SLC25A27: variants seen among roughly 807,000 people sequenced by gnomAD.
SLC25A27 encodes the protein mitochondrial uncoupling protein 4.
SLC25A27 carries 35 observed loss-of-function variants against 49.1 expected under a neutral mutation model. That is an observed-to-expected ratio of 0.71 (90% CI 0.54 to 0.95). The LOEUF is 0.95. Ranked by LOEUF, SLC25A27 falls within the 40% of genes least tolerant of loss-of-function variation. The pLI is 0.00. For missense variants in SLC25A27, 339 were observed against 397.1 expected, an observed-to-expected ratio of 0.85 and a Z score of 1.24; for synonymous variants, 144 against 136.9, an observed-to-expected ratio of 1.05 and a Z score of -0.36.
At chr6:46,671,016 C>T (rs1763514078) in intron 7 of SLC25A27, 110 bp from the exon 8 acceptor site, 1 of 735,552 alleles carries the variant, frequency 1.4e-6, no homozygotes, top group Admixed American at 3.0e-5. Context: ...AGGCGTAAGC[C>T]ACCGCGCCCG....
At chr6:46,668,078 C>T (rs2150648313) in intron 5 of SLC25A27, among the ~76,000 whole-genome samples, 1 of 152,330 alleles carries the variant, frequency 6.6e-6, no homozygotes, top group South Asian at 2.1e-4. Context: ...GGCGCGGCGG[C>T]TCATGCCTAT....
At chr6:46,663,056 C>G (rs1451777907) in intron 4 of SLC25A27, among the ~76,000 whole-genome samples, 9 of 152,074 alleles carry the variant, frequency 5.9e-5, no homozygotes, top group African/African-American at 1.9e-4. Flanking sequence ...CCTCTTTTTC[C>G]CTAATATGGC....
At position 46,658,990 on chromosome 6, in the gene SLC25A27, T is replaced by C. The variant is rs1401309894; in HGVS notation, c.327T>C (p.Tyr109=). 15 of 1,613,842 alleles carry C rather than the reference T, an allele frequency of 9.3e-6. 1 individual carries two copies. The highest frequency in any genetic ancestry group is 1.6e-4 in the Middle Eastern group (1 of 6,062). ...VVYSGGRMVT[Y]EHLREVVFGK... ...ATTCTGGAGGTCGAATGGTCACATA[T>C]GAACATCTCCGAGAGGTTGTGTTTG... Residue 109 remains tyrosine, a synonymous_variant, in exon 3 of 9, where the codon TAT becomes TAC. Transcript: ENST00000371347.
rs748564213 is a variant in SLC25A27 at position 46,653,284 on chromosome 6, C to A, written c.92C>A (p.Thr31Asn). 1 of 1,612,526 alleles carries A rather than the reference C, an allele frequency of 6.2e-7. No individual in the cohort carries two copies. The highest frequency in any genetic ancestry group is 2.2e-5 in the East Asian group (1 of 44,830). The change falls in exon 1 of 9, where the codon ACC (threonine) becomes AAC (asparagine). Residue 31 changes from threonine (T) to asparagine (N), a missense_variant. Coordinates refer to ENST00000371347, the MANE Select transcript of SLC25A27 (RefSeq NM_004277.5). ...TTCCTACTGTCCGGCTGCGCGGCTACCGTGGCCGAGCTAGGTACCCGGCTG... is the reference window on the plus strand; with the variant it reads ...TTCCTACTGTCCGGCTGCGCGGCTAACGTGGCCGAGCTAGGTACCCGGCTG... Reference protein sequence around the residue: ...SKFLLSGCAATVAELATFPLD... With the variant: ...SKFLLSGCAANVAELATFPLD...
intron 8 of SLC25A27, 128 bp downstream of exon 8, chr6:46,671,356 C>T (rs1763532759): frequency 2.0e-6 from 1 of 497,386 alleles, no homozygotes; most frequent in Non-Finnish European, 3.5e-6. Context: ...TCCTTTCTTT[C>T]TTTTTTAAAT....
At chr6:46,662,562 T>C in intron 4 of SLC25A27, 64 bp downstream of exon 4, 1 of 1,532,246 alleles carries the variant, frequency 6.5e-7, no homozygotes, top group Admixed American at 1.8e-5. Flanking sequence ...TTTTAACAAG[T>C]ACCTAATAGA....
Position 46,668,574 on chromosome 6 carries a change from G to A in SLC25A27, c.620-135G>A. On this transcript the variant is annotated intron_variant, in intron 5 of 8. Coordinates refer to ENST00000371347, the MANE Select transcript of SLC25A27 (RefSeq NM_004277.5). ...TTTCTCTCCCTCTATCTGTAGCTGTGCTTTCCTTGAGAACAAGAAGGATTC... is the reference window on the plus strand; with the variant it reads ...TTTCTCTCCCTCTATCTGTAGCTGTACTTTCCTTGAGAACAAGAAGGATTC... The A allele has an allele frequency of 5.1e-6, 3 of 592,646 alleles. No individual in the cohort carries two copies. The South Asian group carries it at 7.1e-5, about 14-fold the overall frequency. The allele number at this position is 592,646 out of a possible 1,614,324, so 36.7% of individuals were successfully genotyped here.
chr6:46,671,691 G>A (rs912393406), intron 8 of SLC25A27, among the ~76,000 whole-genome samples: 3 of 151,922 alleles, frequency 2.0e-5, no homozygotes, highest in Admixed American at 6.5e-5. Context: ...AAAATATTAT[G>A]TCATTTTTAT....
rs952592297 is a variant in SLC25A27, at chr6:46,655,830, G to C, written c.107-13G>C. ...ATGTTGTGGGTTTTTCCCTGCATTTGTGTTTTTGTTAGCAACCTTTCCCCT... is the reference window on the plus strand; with the variant it reads ...ATGTTGTGGGTTTTTCCCTGCATTTCTGTTTTTGTTAGCAACCTTTCCCCT... On this transcript the variant is annotated splice_polypyrimidine_tract_variant and intron_variant, in intron 1 of 8. Transcript: ENST00000371347. 6.2e-7 allele frequency: 1 copy of C among 1,601,790 alleles called. No homozygotes were observed. The highest frequency in any genetic ancestry group is 2.3e-5 in the East Asian group (1 of 44,338).
intron 4 of SLC25A27, among the ~76,000 whole-genome samples, chr6:46,664,177 C>G (rs1388547836): frequency 6.6e-6 from 1 of 152,116 alleles, no homozygotes; most frequent in Non-Finnish European, 1.5e-5. Context: ...CTTTTAATGC[C>G]AGAAGTTTTC....
intron 4 of SLC25A27, among the ~76,000 whole-genome samples, chr6:46,662,808 T>C (rs1262328417): frequency 6.6e-6 from 1 of 152,200 alleles, no homozygotes; most frequent in African/African-American, 2.4e-5. Context: ...GGTGTGAATC[T>C]CAATTTTGCC....
At chr6:46,671,261 C>T in intron 8 of SLC25A27, 33 bp downstream of exon 8, 1 of 1,243,600 alleles carries the variant, frequency 8.0e-7, no homozygotes, top group Non-Finnish European at 1.1e-6. Context: ...TGTTTTTTTT[C>T]TTTGTACTTA....
chr6:46,656,587 T>C (rs968162901), intron 2 of SLC25A27, among the ~76,000 whole-genome samples: 28 of 152,118 alleles, frequency 1.8e-4, no homozygotes, highest in African/African-American at 6.5e-4. Flanking sequence ...CTTGTGAAAT[T>C]TTTGTATTTT....
chr6:46,663,014 T>G (rs778954298), intron 4 of SLC25A27, among the ~76,000 whole-genome samples: 1 of 152,220 alleles, frequency 6.6e-6, no homozygotes, highest in Non-Finnish European at 1.5e-5. Flanking sequence ...CCAACTTTCT[T>G]GTTGAATCTC....
intron 7 of SLC25A27, 101 bp from the exon 8 acceptor site, chr6:46,671,025 C>T (rs577354179): frequency 3.0e-5 from 25 of 828,284 alleles, no homozygotes; most frequent in Middle Eastern, 3.6e-4. Flanking sequence ...CCACCGCGCC[C>T]GGCCAATATT....
chr6:46,671,933 A>G (rs1413530975), intron 8 of SLC25A27, among the ~76,000 whole-genome samples: 2 of 151,696 alleles, frequency 1.3e-5, no homozygotes, highest in East Asian at 1.9e-4. Flanking sequence ...GCAATCAAAA[A>G]TTAACACAAT....
chr6:46,654,733 T>C (rs1388443959), intron 1 of SLC25A27, among the ~76,000 whole-genome samples: 1 of 152,232 alleles, frequency 6.6e-6, no homozygotes, highest in African/African-American at 2.4e-5. Context: ...GTTTCATATG[T>C]CAATAAAATA....
intron 2 of SLC25A27, chr6:46,658,699 A>G (rs1763067853): frequency 2.1e-6 from 1 of 477,290 alleles, no homozygotes; most frequent in Non-Finnish European, 3.8e-6. Context: ...CCTGAAAGAC[A>G]AGGAGATGTT....
chr6:46,655,546 T>TG (rs1762949204), intron 1 of SLC25A27, among the ~76,000 whole-genome samples: 1 of 30,712 alleles, frequency 3.3e-5, no homozygotes, highest in East Asian at 1.6e-3. Context: ...TTTTTTTTTT[T>TG]TTTTTTTTTT....
Sources: gnomAD v4.1 joint callset for allele counts (sites outside exome capture counted in the v4.1 genomes callset) on GRCh38, gnomAD v4.1.1 for gene constraint, MANE v1.5 for transcripts, NCBI Gene and HGNC (gene_info 2026-07-23, HGNC 2026-07-21) for gene names.